The following FBXL17 variants were observed in gnomAD, a reference collection of about 807,000 sequenced individuals.
The protein encoded by FBXL17 is F-box and leucine rich repeat protein 17.
A neutral mutation model predicts 66.2 loss-of-function variants in FBXL17; 22 were observed. The ratio of observed to expected loss-of-function variants is 0.33; its 90% CI spans 0.24 to 0.47. FBXL17 has a LOEUF of 0.47. FBXL17 is among the 20% of genes least tolerant of loss of function. FBXL17 has a pLI of 1.00. For synonymous variants in FBXL17, 474 were observed against 400.5 expected, an observed-to-expected ratio of 1.18 and a Z score of -2.19; for missense variants, 878 against 948.2, an observed-to-expected ratio of 0.93 and a Z score of 0.97.
At chr5:108,282,397 C>A (rs1757735782) in intron 4 of FBXL17, among the ~76,000 whole-genome samples, 1 of 151,766 alleles carries the variant, frequency 6.6e-6, no homozygotes, top group African/African-American at 2.4e-5. Context: ...ATCATATAAA[C>A]AGGATCAAGG....
intron 4 of FBXL17, among the ~76,000 whole-genome samples, chr5:108,282,416 C>T (rs747390940): frequency 6.6e-6 from 1 of 151,744 alleles, no homozygotes; most frequent in African/African-American, 2.4e-5. Context: ...GGACAAAAAC[C>T]ATATGATCAT....
intron 6 of FBXL17, among the ~76,000 whole-genome samples, chr5:108,154,648 C>CATATATATGTGTATATATATACACCT (rs202122522): frequency 8.6e-6 from 1 of 116,192 alleles, no homozygotes; most frequent in Non-Finnish European, 1.7e-5. Context: ...CACACACACA[C>CATATATATGTGTATATATATACACCT]ATATATGTAT....
intron 7 of FBXL17, among the ~76,000 whole-genome samples, chr5:108,004,882 A>G (rs1049941419): frequency 6.6e-6 from 1 of 152,112 alleles, no homozygotes; most frequent in African/African-American, 2.4e-5. Flanking sequence ...TCCCACAAAA[A>G]TTCATATTAG....
chr5:108,026,626 A>T (rs189469578), intron 6 of FBXL17, among the ~76,000 whole-genome samples: 116 of 152,354 alleles, frequency 7.6e-4, no homozygotes, highest in Middle Eastern at 3.4e-3. Context: ...TAGGAGTGAC[A>T]TGCAAAATAT....
At chr5:107,947,857 T>A (rs191126525) in intron 7 of FBXL17, among the ~76,000 whole-genome samples, 285 of 152,206 alleles carry the variant, frequency 1.9e-3, no homozygotes, top group African/African-American at 5.9e-3. Context: ...TCTTATTTTT[T>A]AAAAAAACTC....
At chr5:108,047,572 C>T (rs1180168205) in intron 6 of FBXL17, among the ~76,000 whole-genome samples, 1 of 152,194 alleles carries the variant, frequency 6.6e-6, no homozygotes, top group Non-Finnish European at 1.5e-5. Flanking sequence ...TGGCATCCAT[C>T]TCTGTAGCTC....
chr5:108,145,940 C>T (rs1751537224), intron 6 of FBXL17, among the ~76,000 whole-genome samples: 2 of 151,906 alleles, frequency 1.3e-5, no homozygotes, highest in Admixed American at 6.6e-5. Flanking sequence ...CTCATCAGGC[C>T]GGGTGCAGTG....
At chr5:108,012,006 A>T (rs1754195818) in intron 7 of FBXL17, among the ~76,000 whole-genome samples, 1 of 152,224 alleles carries the variant, frequency 6.6e-6, no homozygotes, top group South Asian at 2.1e-4. Flanking sequence ...AAAGTATCTC[A>T]TTGAATGTTG....
chr5:107,874,347 G>A (rs772505473), intron 8 of FBXL17, among the ~76,000 whole-genome samples: 4 of 152,162 alleles, frequency 2.6e-5, no homozygotes, highest in Non-Finnish European at 5.9e-5. Flanking sequence ...GTATGTATAT[G>A]TGAATAAATA....
At chr5:107,909,336 G>A (rs1001916007) in intron 7 of FBXL17, among the ~76,000 whole-genome samples, 1 of 152,156 alleles carries the variant, frequency 6.6e-6, no homozygotes, top group Non-Finnish European at 1.5e-5. Context: ...GATACCTACT[G>A]TATGTGAACA....
intron 7 of FBXL17, among the ~76,000 whole-genome samples, chr5:108,008,232 T>A (rs1010813899): frequency 6.6e-6 from 1 of 152,220 alleles, no homozygotes; most frequent in African/African-American, 2.4e-5. Context: ...TAAAATTTTG[T>A]CAGGGTCCAA....
chr5:108,003,120 G>A (rs1294533400), intron 7 of FBXL17, among the ~76,000 whole-genome samples: 1 of 152,190 alleles, frequency 6.6e-6, no homozygotes, highest in Admixed American at 6.5e-5. Flanking sequence ...GAATGCCACA[G>A]CTACCTTGAG....
chr5:108,051,699 G>A (rs888240542), intron 6 of FBXL17, among the ~76,000 whole-genome samples: 1 of 152,234 alleles, frequency 6.6e-6, no homozygotes, highest in African/African-American at 2.4e-5. Flanking sequence ...GGATGAGGCT[G>A]GGTGCAGTGG....
chr5:108,245,462 T>C (rs1325814281), intron 4 of FBXL17, among the ~76,000 whole-genome samples: 10 of 152,076 alleles, frequency 6.6e-5, no homozygotes, highest in Non-Finnish European at 1.3e-4. Context: ...AGAAAACCGA[T>C]CATCAAAAAA....
At position 108,055,280 on chromosome 5, in the gene FBXL17, G is replaced by GAAAAAA. The variant is rs1000211060; in HGVS notation, c.1746-34285_1746-34280dup. On this transcript the variant is annotated intron_variant, in intron 6 of 8. Transcript: ENST00000542267. ...ATTTTTAAATGACATAGAATTTTTA[G>GAAAAAA]AAAAAAAAAAAAAAAAAAAAAAAAA... 1.9e-3 allele frequency among the ~76,000 whole-genome samples: 44 copies of GAAAAAA among 23,696 alleles called. 1 individual carries two copies. The highest frequency in any genetic ancestry group is 2.4e-3 in the Non-Finnish European group (31 of 12,714). The allele number at this position is 23,696 out of a possible 152,430, so 15.5% of individuals were successfully genotyped here.
At chr5:108,287,221 T>C (rs764437986) in intron 4 of FBXL17, among the ~76,000 whole-genome samples, 14 of 151,994 alleles carry the variant, frequency 9.2e-5, no homozygotes, top group Non-Finnish European at 1.5e-4. Flanking sequence ...GGCAAAGATT[T>C]CATGACAAAG....
chr5:108,064,468 C>T (rs1748041614), intron 6 of FBXL17, among the ~76,000 whole-genome samples: 2 of 151,992 alleles, frequency 1.3e-5, no homozygotes, highest in African/African-American at 4.8e-5. Flanking sequence ...GATGGAGATG[C>T]CAAGGGAGGG....
chr5:108,234,485 G>C (rs1053239204), intron 4 of FBXL17, among the ~76,000 whole-genome samples: 8 of 152,124 alleles, frequency 5.3e-5, no homozygotes, highest in South Asian at 2.1e-4. Context: ...CCTATGCTTT[G>C]TATGTTATAC....
In FBXL17 at chr5:108,055,336, C is replaced by T. The variant is rs189355111; in HGVS notation, c.1746-34335G>A. The stretch of plus-strand genomic sequence containing the variant: ...AAAGAAAAACGCTTCAGGCCGGGCA[C>T]GGTGGCTCATGCCTGTAATCCCAGC... On this transcript the variant is annotated intron_variant, in intron 6 of 8. Coordinates refer to ENST00000542267, the MANE Select transcript of FBXL17 (RefSeq NM_001163315.3). Among the ~76,000 whole-genome samples, 136 of 134,676 alleles carry T rather than the reference C, an allele frequency of 1.0e-3. 2 individuals carry two copies. The South Asian group carries it at 0.013, about 13-fold the overall frequency. The allele number at this position is 134,676 out of a possible 152,430, so 88.4% of individuals were successfully genotyped here. A position where few individuals can be genotyped will look rare whatever the true frequency, so the allele number is the denominator to read the frequency against.
Sources: gnomAD v4.1 joint callset for allele counts (sites outside exome capture counted in the v4.1 genomes callset) on GRCh38, gnomAD v4.1.1 for gene constraint, MANE v1.5 for transcripts, NCBI Gene and HGNC (gene_info 2026-07-23, HGNC 2026-07-21) for gene names.